The following ADGRL3 variants were observed in gnomAD, a reference collection of about 807,000 sequenced individuals.
The protein encoded by ADGRL3 is adhesion G protein-coupled receptor L3.
Under a neutral mutation model 153.5 loss-of-function variants are expected in ADGRL3, and 62 were observed. That is an observed-to-expected ratio of 0.40 (90% CI 0.33 to 0.50). The LOEUF (loss-of-function observed/expected upper bound fraction) is 0.50, where lower values mean the gene tolerates loss of function less well. Among genes scored for constraint, ADGRL3 ranks in the 20% least tolerant of loss-of-function variants. The pLI is 0.47. For synonymous variants in ADGRL3, 710 were observed against 672.5 expected (o/e 1.06, Z -0.86); for missense variants, 1,641 against 1,859.4 (o/e 0.88, Z 2.16).
Position 61,497,127 on chromosome 4 carries a change from G to A in ADGRL3, c.-167G>A. 3.6e-6 allele frequency: 2 copies of A among 549,824 alleles called. No homozygotes were observed. Among genetic ancestry groups the A allele is most frequent in the South Asian group, 2.4e-5 (1 of 41,222 alleles). The allele number at this position is 549,824 out of a possible 1,614,324, so 34.1% of individuals were successfully genotyped here. Reference sequence around the variant, plus strand: ...TTTTTTTTCTTTTTTGCAGGTTTCAGATTTGGGATATTGGTGTTTCTGTTT... The same window carrying A: ...TTTTTTTTCTTTTTTGCAGGTTTCAAATTTGGGATATTGGTGTTTCTGTTT... On this transcript the variant is annotated 5_prime_UTR_variant, in exon 3 of 27. Coordinates refer to ENST00000683033, the MANE Select transcript of ADGRL3 (RefSeq NM_001387552.1).
chr4:61,912,317 G>C (rs576581410), intron 12 of ADGRL3, among the ~76,000 whole-genome samples: 1 of 152,168 alleles, frequency 6.6e-6, no homozygotes, highest in South Asian at 2.1e-4. Flanking sequence ...ATCTATCTTT[G>C]AAAAATGGGT....
Position 61,532,547 on chromosome 4 carries a change from C to CGTGT in ADGRL3, c.259+15030_259+15031insTGTG, listed in dbSNP as rs1476156297. ...GATGCTGCATGCGCGCGCGCGCGCGCGCGCGCGCGTGTGTGTGTGTGTGTG... is the reference window on the plus strand; with the variant it reads ...GATGCTGCATGCGCGCGCGCGCGCGCGTGTGCGCGCGCGTGTGTGTGTGTGTGTG... On this transcript the variant is annotated intron_variant, in intron 4 of 26. Transcript: ENST00000683033. Among the ~76,000 whole-genome samples, 192 of 62,168 alleles carry CGTGT rather than the reference C, an allele frequency of 3.1e-3. 1 individual carries two copies. The highest frequency in any genetic ancestry group is 0.013 in the South Asian group (18 of 1,358). The allele number at this position is 62,168 out of a possible 152,430, so 40.8% of individuals were successfully genotyped here.
chr4:61,240,490 CTT>C (rs1035244257), intron 1 of ADGRL3, among the ~76,000 whole-genome samples: 1 of 152,060 alleles, frequency 6.6e-6, no homozygotes, highest in Non-Finnish European at 1.5e-5. Flanking sequence ...TATAAGAAAA[CTT>C]TATTTTTCTT....
chr4:61,513,466 C>T (rs998462222), intron 3 of ADGRL3, among the ~76,000 whole-genome samples: 1 of 152,094 alleles, frequency 6.6e-6, no homozygotes, highest in Non-Finnish European at 1.5e-5. Flanking sequence ...AACCAACATT[C>T]TGGAACAGTG....
chr4:61,784,144 G>A (rs779228010), intron 8 of ADGRL3, among the ~76,000 whole-genome samples: 1 of 152,018 alleles, frequency 6.6e-6, no homozygotes, highest in African/African-American at 2.4e-5. Context: ...TAACTTTGAC[G>A]AAGATATAGA....
intron 9 of ADGRL3, among the ~76,000 whole-genome samples, chr4:61,874,818 T>G: frequency 9.4e-6 from 1 of 106,470 alleles, no homozygotes; most frequent in African/African-American, 3.7e-5. Context: ...TTTTTTTTTT[T>G]TGAGACGGAG....
In ADGRL3 at chr4:61,276,643, C is replaced by T. The variant is rs2093474376; in HGVS notation, c.-240+74878C>T. On this transcript the variant is annotated intron_variant, in intron 1 of 26. Transcript: ENST00000683033. ...ATTTTTGTCAATTAGTAAAATATAA[C>T]TGATCTTCATTTTAGTCAGGTTTAT... 2.0e-5 allele frequency among the ~76,000 whole-genome samples: 3 copies of T among 152,110 alleles called. No homozygotes were observed. In the South Asian group the frequency reaches 6.2e-4, roughly 31 times the overall value.
intron 2 of ADGRL3, among the ~76,000 whole-genome samples, chr4:61,476,595 G>A (rs1419426668): frequency 6.6e-6 from 1 of 151,264 alleles, no homozygotes; most frequent in Non-Finnish European, 1.5e-5. Context: ...GGTGATCCCA[G>A]CTACTTGGGA....
At chr4:61,889,050 G>A (rs2098554940) in intron 9 of ADGRL3, among the ~76,000 whole-genome samples, 1 of 151,960 alleles carries the variant, frequency 6.6e-6, no homozygotes, top group Admixed American at 6.6e-5. Flanking sequence ...CTCTTTTTGT[G>A]GGATACTATA....
chr4:61,902,416 A>G (rs1007316255), intron 11 of ADGRL3, among the ~76,000 whole-genome samples: 1 of 150,786 alleles, frequency 6.6e-6, no homozygotes, highest in Non-Finnish European at 1.5e-5. Context: ...CTCATCACCC[A>G]GATCTCCTTT....
At chr4:61,969,473 G>T (rs935300628) in intron 17 of ADGRL3, among the ~76,000 whole-genome samples, 1 of 151,612 alleles carries the variant, frequency 6.6e-6, no homozygotes, top group African/African-American at 2.4e-5. Flanking sequence ...CTAGATCCAT[G>T]GATCGTTCTA....
At chr4:61,946,832 C>T (rs1053977478) in intron 15 of ADGRL3, 82 bp from the exon 16 acceptor site, 54 of 1,061,396 alleles carry the variant, frequency 5.1e-5, no homozygotes, top group Middle Eastern at 4.1e-4. Context: ...ATACATACTA[C>T]ATGGATTTAA....
intron 19 of ADGRL3, among the ~76,000 whole-genome samples, chr4:61,994,539 G>T (rs1581790253): frequency 6.6e-6 from 1 of 151,486 alleles, no homozygotes; most frequent in Middle Eastern, 3.4e-3. Flanking sequence ...CTCTTAAAAT[G>T]AGTTTAAACG....
chr4:61,787,712 A>T (rs2097294209), intron 8 of ADGRL3, among the ~76,000 whole-genome samples: 1 of 152,052 alleles, frequency 6.6e-6, no homozygotes, highest in Non-Finnish European at 1.5e-5. Context: ...GTTTTTCATT[A>T]TTAAAAAATA....
chr4:61,546,373 G>C (rs1579450651), intron 4 of ADGRL3, among the ~76,000 whole-genome samples: 3 of 152,044 alleles, frequency 2.0e-5, no homozygotes, highest in Admixed American at 2.0e-4. Context: ...TAAATTTTCA[G>C]GAATTTTGCA....
chr4:61,473,591 T>C (rs1485891622), intron 2 of ADGRL3, among the ~76,000 whole-genome samples: 1 of 151,940 alleles, frequency 6.6e-6, no homozygotes, highest in Non-Finnish European at 1.5e-5. Context: ...TTTCAGTCTG[T>C]ACAAGAAATA....
At chr4:61,246,162 C>G (rs1240515821) in intron 1 of ADGRL3, among the ~76,000 whole-genome samples, 2 of 152,032 alleles carry the variant, frequency 1.3e-5, no homozygotes, top group Non-Finnish European at 2.9e-5. Context: ...GTTGAGGCAA[C>G]AGCTGATTTT....
At chr4:61,215,972 T>C (rs1742605505) in intron 1 of ADGRL3, among the ~76,000 whole-genome samples, 1 of 152,098 alleles carries the variant, frequency 6.6e-6, no homozygotes, top group South Asian at 2.1e-4. Context: ...CATCTGTAAG[T>C]AGAAGATAGG....
At chr4:61,476,811 A>C (rs966543599) in intron 2 of ADGRL3, among the ~76,000 whole-genome samples, 7 of 151,096 alleles carry the variant, frequency 4.6e-5, no homozygotes, top group Non-Finnish European at 7.4e-5. Flanking sequence ...GCTGACCTCA[A>C]GCAGTCCACC....
Sources: allele counts gnomAD v4.1 joint callset (sites outside exome capture counted in the v4.1 genomes callset), GRCh38; gene constraint gnomAD v4.1.1; transcripts MANE v1.5; gene names NCBI Gene and HGNC (gene_info 2026-07-23, HGNC 2026-07-21).